Variants in ANGEL1 observed in about 807,000 individuals in gnomAD.
ANGEL1 encodes RNA 2',3'-cyclic phosphatase ANGEL1.
In ANGEL1, 62 loss-of-function variants were observed where a neutral mutation model predicts 76.4. That is an observed-to-expected ratio of 0.81 (90% CI 0.66 to 1.00). The LOEUF is 1.00. Among genes scored for constraint, ANGEL1 ranks in the 50% least tolerant of loss-of-function variants. The probability of loss-of-function intolerance (pLI) is 0.00; values close to 1 mark genes in which losing one functional copy is unlikely to be tolerated. For synonymous variants in ANGEL1, 340 were observed against 331.7 expected, an observed-to-expected ratio of 1.03 and a Z score of -0.27; for missense variants, 737 against 836.7, an observed-to-expected ratio of 0.88 and a Z score of 1.47.
At chr14:76,805,683 C>T (rs142296738) in intron 5 of ANGEL1, among the ~76,000 whole-genome samples, 5 of 152,230 alleles carry the variant, frequency 3.3e-5, no homozygotes, top group Non-Finnish European at 7.4e-5. Context: ...AAACAAGCTA[C>T]AAATGAAACA....
At chr14:76,811,518 TGG>T (rs776448360) in intron 1 of ANGEL1, among the ~76,000 whole-genome samples, 9 of 6,646 alleles carry the variant, frequency 1.4e-3, no homozygotes, top group Non-Finnish European at 2.5e-3. Flanking sequence ...AATGTGTAGG[TGG>T]GGGGGCGGGG....
chr14:76,812,643 G>C (rs991596807), intron 1 of ANGEL1, 121 bp downstream of exon 1: 1 of 1,344,302 alleles, frequency 7.4e-7, no homozygotes, highest in Non-Finnish European at 9.5e-7. Context: ...CCTACACCTC[G>C]GCACTGCCCG....
In ANGEL1 at chr14:76,806,602, G is replaced by A; in HGVS notation, c.1194C>T (p.Arg398=). 1 of 1,614,176 alleles carries A rather than the reference G, an allele frequency of 6.2e-7. No individual in the cohort carries two copies. Among genetic ancestry groups the A allele is most frequent in the Non-Finnish European group, 8.5e-7 (1 of 1,180,034 alleles). Residue 398 remains arginine (R), a synonymous_variant, in exon 5 of 10, where the codon CGC becomes CGT. Coordinates refer to ENST00000251089, the MANE Select transcript of ANGEL1 (RefSeq NM_015305.4). ...TCTGGGCCAGCTTGACATCGCCCCG[G>A]CGTGGGTTGTAAAGGATATGGGTAT... is the stretch of plus-strand genomic sequence containing the variant. ...VANTHILYNP[R]RGDVKLAQMA... is the part of the protein sequence containing the mutation.
At chr14:76,802,834 T>C (rs1421619035) in intron 7 of ANGEL1, among the ~76,000 whole-genome samples, 1 of 152,262 alleles carries the variant, frequency 6.6e-6, no homozygotes, top group Admixed American at 6.5e-5. Flanking sequence ...TCCTTCTGTG[T>C]TGTGGTTCTT....
intron 7 of ANGEL1, among the ~76,000 whole-genome samples, chr14:76,802,821 C>G (rs753464795): frequency 1.6e-4 from 25 of 152,230 alleles, no homozygotes; most frequent in Non-Finnish European, 3.5e-4. Context: ...TTCTTGCAGG[C>G]ATTCCTTCTG....
At chr14:76,790,475 G>C in intron 9 of ANGEL1, 136 bp downstream of exon 9, 6 of 1,436,710 alleles carry the variant, frequency 4.2e-6, no homozygotes, top group Non-Finnish European at 5.5e-6. Context: ...AGGATGACCA[G>C]TGCAAGGGAG....
chr14:76,790,815 C>A, intron 8 of ANGEL1, 41 bp from the exon 9 acceptor site: 1 of 1,515,466 alleles, frequency 6.6e-7, no homozygotes, highest in Non-Finnish European at 8.9e-7. Context: ...ACAAAAATTA[C>A]TAAATTTTCC....
intron 3 of ANGEL1, among the ~76,000 whole-genome samples, 167 bp from the exon 4 acceptor site, chr14:76,807,669 T>A (rs562693769): frequency 1.2e-4 from 18 of 152,308 alleles, no homozygotes; most frequent in African/African-American, 4.1e-4. Context: ...AGATTAGAGA[T>A]GTGCACTGGA....
At chr14:76,806,890 T>TA (rs1344320061) in intron 4 of ANGEL1, 41 bp from the exon 5 acceptor site, 2 of 1,583,290 alleles carry the variant, frequency 1.3e-6, no homozygotes, top group Non-Finnish European at 1.7e-6. Flanking sequence ...TCAGAGTCCT[T>TA]AAAGCCTGAA....
intron 7 of ANGEL1, among the ~76,000 whole-genome samples, chr14:76,799,078 T>G (rs1894672559): frequency 6.6e-6 from 1 of 151,826 alleles, no homozygotes; most frequent in South Asian, 2.1e-4. Context: ...AAACCATCAC[T>G]ACCTAGCACT....
intron 1 of ANGEL1, chr14:76,812,461 C>A: frequency 1.7e-6 from 2 of 1,188,388 alleles, no homozygotes; most frequent in Non-Finnish European, 2.1e-6. Context: ...TTTCTCTGCA[C>A]CCCCAGGGCC....
chr14:76,789,414 G>C (rs758290632), intron 9 of ANGEL1, 26 bp from the exon 10 acceptor site: 5 of 1,612,876 alleles, frequency 3.1e-6, no homozygotes, highest in Non-Finnish European at 4.2e-6. Flanking sequence ...GAAGCCAATG[G>C]GTAAAAGCAG....
At chr14:76,809,019 C>T (rs760994239) in intron 2 of ANGEL1, 40 bp downstream of exon 2, 6 of 1,564,224 alleles carry the variant, frequency 3.8e-6, no homozygotes, top group East Asian at 2.3e-5. Context: ...ACCTGAGACA[C>T]CCTGTTCCCT....
chr14:76,809,526 A>G lies in ANGEL1; in HGVS notation c.182T>C (p.Leu61Pro). ...GPEQEECEGL[L>P]QQWREEGLSQ... ...CAACCCTTCTTCTCGCCACTGCTGCAGCAGGCCCTCACATTCCTCCTGCTC... is the reference window on the plus strand; with the variant it reads ...CAACCCTTCTTCTCGCCACTGCTGCGGCAGGCCCTCACATTCCTCCTGCTC... The change falls in exon 2 of 10, where the codon CTG becomes CCG. Residue 61 changes from leucine to proline, a missense_variant. Physicochemically the swap from Leu to Pro is moderately conservative, Grantham distance 98. This residue lies in a region of ANGEL1 where 441 missense variants were observed against 449.5 expected (regional missense o/e 0.98). Coordinates refer to ENST00000251089, the MANE Select transcript of ANGEL1 (RefSeq NM_015305.4). 1 of 1,614,234 alleles carries G rather than the reference A, an allele frequency of 6.2e-7. No homozygotes were observed. Among genetic ancestry groups the G allele is most frequent in the East Asian group, 2.2e-5 (1 of 44,884 alleles).
At position 76,803,435 on chromosome 14, in the gene ANGEL1, G is replaced by A. The variant is rs541256735; in HGVS notation, c.1554C>T (p.Cys518=). Residue 518 remains cysteine, a synonymous_variant, in exon 7 of 10, where the codon TGC becomes TGT. Transcript: ENST00000251089. Reference sequence around the variant, plus strand: ...CTACTGGTCGCTGACAAGCGATGCTGCAGAAGCGGAAACGTAGCAGGAAGT... The same window carrying A: ...CTACTGGTCGCTGACAAGCGATGCTACAGAAGCGGAAACGTAGCAGGAAGT... ...GRDFLLRFRF[C]SIACQRPVGL... is the part of the protein sequence containing the mutation. 5.0e-6 allele frequency: 8 copies of A among 1,614,224 alleles called. No homozygotes were observed. The highest frequency in any genetic ancestry group is 4.0e-5 in the African/African-American group (3 of 75,068).
In ANGEL1 at chr14:76,789,101, A is replaced by T. The variant is rs1894322096; in HGVS notation, c.*127T>A. 1 of 1,235,698 alleles carries T rather than the reference A, an allele frequency of 8.1e-7. No homozygotes were observed. Among genetic ancestry groups the T allele is most frequent in the Admixed American group, 2.2e-5 (1 of 45,686 alleles). The allele number at this position is 1,235,698 out of a possible 1,614,324, so 76.5% of individuals were successfully genotyped here. ...AAAGTCTAACCGTGGGAAAAAGGGA[A>T]CGAGGAGGGGGAAGGGAGGGGATGT... On this transcript the variant is annotated 3_prime_UTR_variant, in exon 10 of 10. Transcript: ENST00000251089.
At chr14:76,797,792 G>C (rs1396844646) in intron 7 of ANGEL1, among the ~76,000 whole-genome samples, 1 of 152,212 alleles carries the variant, frequency 6.6e-6, no homozygotes, top group African/African-American at 2.4e-5. Context: ...CACATGGTTT[G>C]CTCTTACTTG....
intron 7 of ANGEL1, among the ~76,000 whole-genome samples, chr14:76,801,261 T>A (rs1382453851): frequency 6.6e-6 from 1 of 151,974 alleles, no homozygotes; most frequent in Non-Finnish European, 1.5e-5. Context: ...CAGGCATGCA[T>A]CACCATGCCT....
intron 5 of ANGEL1, chr14:76,804,258 C>T: frequency 7.4e-7 from 1 of 1,351,664 alleles, no homozygotes; most frequent in African/African-American, 1.5e-5. Flanking sequence ...CTTTAAGTTG[C>T]AATGGTTAAA....
Sources: allele counts gnomAD v4.1 joint callset (sites outside exome capture counted in the v4.1 genomes callset), GRCh38; gene constraint gnomAD v4.1.1; regional missense constraint gnomAD v4.1.1; transcripts MANE v1.5; gene names NCBI Gene and HGNC (gene_info 2026-07-23, HGNC 2026-07-21).